The following PRTG variants were observed in gnomAD, a reference collection of about 807,000 sequenced individuals.
The protein encoded by PRTG is protogenin, also known as immunoglobulin superfamily, DCC subclass, member 5.
PRTG carries 67 observed loss-of-function variants against 122.5 expected under a neutral mutation model. The observed-to-expected ratio is 0.55, with a 90% confidence interval of 0.45 to 0.67. The LOEUF (loss-of-function observed/expected upper bound fraction) is 0.67. Among genes scored for constraint, PRTG ranks in the 30% least tolerant of loss-of-function variants. PRTG has a pLI of 0.00. For synonymous variants in PRTG, 554 were observed against 501.1 expected (o/e 1.11, Z -1.41); for missense variants, 1,435 against 1,415.4 (o/e 1.01, Z -0.22).
intron 15 of PRTG, among the ~76,000 whole-genome samples, chr15:55,630,422 C>G (rs1330592981): frequency 6.6e-6 from 1 of 152,154 alleles, no homozygotes; most frequent in African/African-American, 2.4e-5. Context: ...CGCACCCAGC[C>G]TGGCCTAATT....
intron 2 of PRTG, among the ~76,000 whole-genome samples, chr15:55,704,373 T>G (rs1401479293): frequency 2.6e-5 from 4 of 152,214 alleles, no homozygotes; most frequent in Admixed American, 2.6e-4. Flanking sequence ...AAATTTATAA[T>G]GAGAAAAATC....
intron 11 of PRTG, among the ~76,000 whole-genome samples, chr15:55,642,359 G>A (rs1034543014): frequency 6.6e-6 from 1 of 151,980 alleles, no homozygotes; most frequent in African/African-American, 2.4e-5. Context: ...GCTCATGCCT[G>A]CAATCCCAGC....
At chr15:55,692,835 C>CTTTTTTTTT (rs774248341) in intron 2 of PRTG, among the ~76,000 whole-genome samples, 5 of 74,978 alleles carry the variant, frequency 6.7e-5, no homozygotes, top group Non-Finnish European at 9.5e-5. Flanking sequence ...AATGCAATCT[C>CTTTTTTTTT]TTTTTTTTTT....
At chr15:55,624,128 T>C (rs1435866645) in intron 18 of PRTG, among the ~76,000 whole-genome samples, 2 of 152,182 alleles carry the variant, frequency 1.3e-5, no homozygotes, top group Non-Finnish European at 2.9e-5. Flanking sequence ...TTATATGCTA[T>C]ATATTATGGC....
chr15:55,664,186 G>T (rs77805835), intron 11 of PRTG, among the ~76,000 whole-genome samples: 1 of 152,090 alleles, frequency 6.6e-6, no homozygotes, highest in East Asian at 1.9e-4. Context: ...TCGTTGCCCA[G>T]GCTGGGGTGC....
Position 55,743,143 on chromosome 15 carries a change from G to T in PRTG, c.-212C>A. 1 of 1,247,212 alleles carries T rather than the reference G, an allele frequency of 8.0e-7. No homozygotes were observed. Among genetic ancestry groups the T allele is most frequent in the Non-Finnish European group, 1.0e-6 (1 of 998,466 alleles). 77.3% of individuals were successfully genotyped at this position (1,247,212 alleles called of 1,614,324 possible). ...AGCAAGGGGCCTGAGAGTCCGGCTG[G>T]GGGCGGAGTGAGGCGGCGGCTGCAG... On this transcript the variant is annotated 5_prime_UTR_variant, in exon 1 of 20. Coordinates refer to ENST00000389286, the MANE Select transcript of PRTG (RefSeq NM_173814.6).
Position 55,617,169 on chromosome 15 carries a change from C to A in PRTG, c.*2843G>T, listed in dbSNP as rs1308081449. 1 of 151,778 alleles carries A rather than the reference C, an allele frequency of 6.6e-6. No individual in the cohort carries two copies. The highest frequency in any genetic ancestry group is 2.1e-4 in the South Asian group (1 of 4,818). The allele number at this position is 151,778 out of a possible 1,614,324, so 9.4% of individuals were successfully genotyped here. On this transcript the variant is annotated 3_prime_UTR_variant, in exon 20 of 20. Coordinates refer to ENST00000389286, the MANE Select transcript of PRTG (RefSeq NM_173814.6). ...TTGATTTGGTCAAGTAAAAAGAAGT[C>A]TTTGCTGTATTACTAAATATCTTAT...
At chr15:55,719,361 G>A (rs774317260) in intron 2 of PRTG, among the ~76,000 whole-genome samples, 41 of 152,194 alleles carry the variant, frequency 2.7e-4, no homozygotes, top group Non-Finnish European at 5.9e-4. Flanking sequence ...TTCTCAAGTT[G>A]AAAATCTGAA....
At chr15:55,639,999 G>A (rs148457484) in intron 12 of PRTG, 171 bp from the exon 13 acceptor site, 35 of 976,246 alleles carry the variant, frequency 3.6e-5, no homozygotes, top group East Asian at 1.1e-4. Context: ...CAGCTCTTCC[G>A]TGAGTTATAT....
rs1370638450 is a variant in PRTG, at chr15:55,718,424, T to A, written c.397+21958A>T. On this transcript the variant is annotated intron_variant, in intron 2 of 19. Coordinates refer to ENST00000389286, the MANE Select transcript of PRTG (RefSeq NM_173814.6). Reference sequence around the variant, plus strand: ...AGTCCCAACCCCAAGCGTTGCTGAGTCTTTCTAACCTTCCTTTTCTACACC... The same window carrying A: ...AGTCCCAACCCCAAGCGTTGCTGAGACTTTCTAACCTTCCTTTTCTACACC... 2.0e-5 allele frequency among the ~76,000 whole-genome samples: 3 copies of A among 151,922 alleles called. No individual in the cohort carries two copies. In the South Asian group the frequency reaches 6.2e-4, roughly 32 times the overall value.
At chr15:55,621,879 T>C (rs1165995875) in intron 18 of PRTG, among the ~76,000 whole-genome samples, 5 of 152,190 alleles carry the variant, frequency 3.3e-5, no homozygotes, top group Non-Finnish European at 1.5e-5. Context: ...TATTAACAAT[T>C]ATTAATTTGT....
At chr15:55,704,857 A>G (rs1360583742) in intron 2 of PRTG, among the ~76,000 whole-genome samples, 3 of 152,222 alleles carry the variant, frequency 2.0e-5, no homozygotes, top group Non-Finnish European at 4.4e-5. Flanking sequence ...AGACAGATAG[A>G]TATCAGATGA....
At chr15:55,677,646 G>C (rs1352917010) in intron 8 of PRTG, 151 bp downstream of exon 8, 1 of 644,748 alleles carries the variant, frequency 1.6e-6, no homozygotes, top group East Asian at 2.8e-5. Context: ...GAAAACAATA[G>C]ATACATAGGT....
chr15:55,704,521 T>C (rs1160923533), intron 2 of PRTG, among the ~76,000 whole-genome samples: 1 of 152,198 alleles, frequency 6.6e-6, no homozygotes, highest in Non-Finnish European at 1.5e-5. Flanking sequence ...ATTATAGCAT[T>C]GTTCTTCATC....
chr15:55,706,487 T>A (rs529008821), intron 2 of PRTG, among the ~76,000 whole-genome samples: 22 of 148,070 alleles, frequency 1.5e-4, no homozygotes, highest in Non-Finnish European at 3.3e-4. Flanking sequence ...GCACAGTGGC[T>A]CATGACTAAC....
At chr15:55,647,944 C>CAA (rs1387799639) in intron 11 of PRTG, among the ~76,000 whole-genome samples, 1 of 152,294 alleles carries the variant, frequency 6.6e-6, no homozygotes, top group Non-Finnish European at 1.5e-5. Flanking sequence ...ACTATTGAAA[C>CAA]AACTGTGTTT....
intron 2 of PRTG, among the ~76,000 whole-genome samples, chr15:55,731,524 C>T (rs1399521185): frequency 6.6e-6 from 1 of 151,960 alleles, no homozygotes; most frequent in African/African-American, 2.4e-5. Context: ...GCACACACCA[C>T]CACACCCAGA....
chr15:55,664,091 A>G (rs2059424485), intron 11 of PRTG, among the ~76,000 whole-genome samples: 1 of 152,122 alleles, frequency 6.6e-6, no homozygotes, highest in Non-Finnish European at 1.5e-5. Flanking sequence ...ATAGAGCTAT[A>G]CATTTGTGTA....
At chr15:55,620,531 C>T in intron 19 of PRTG, 132 bp downstream of exon 19, 1 of 1,361,500 alleles carries the variant, frequency 7.3e-7, no homozygotes, top group Non-Finnish European at 9.8e-7. Flanking sequence ...AGCCATGCCC[C>T]AAATTAATAA....
Sources: gnomAD v4.1 joint callset for allele counts (sites outside exome capture counted in the v4.1 genomes callset) on GRCh38, gnomAD v4.1.1 for gene constraint, MANE v1.5 for transcripts, NCBI Gene and HGNC (gene_info 2026-07-23, HGNC 2026-07-21) for gene names.